Variants in LYRM1 observed in about 807,000 individuals in gnomAD.
LYRM1 encodes the protein LYR motif containing 1, also known as LYR motif-containing protein 1.
In LYRM1, 14 loss-of-function variants were observed where a neutral mutation model predicts 14.9. The observed-to-expected ratio is 0.94, with a 90% CI of 0.62 to 1.47. The LOEUF is 1.47. LYRM1 is among the 40% of genes most tolerant of loss of function. LYRM1 has a pLI of 0.00. For synonymous variants in LYRM1, 43 were observed against 56.2 expected, an observed-to-expected ratio of 0.77 and a Z score of 1.05; for missense variants, 153 against 149.9, an observed-to-expected ratio of 1.02 and a Z score of -0.11.
Position 20,923,980 on chromosome 16 carries a change from A to G in LYRM1, c.253-20A>G, listed in dbSNP as rs1484192957. 1 of 1,321,342 alleles carries G rather than the reference A, an allele frequency of 7.6e-7. No individual in the cohort carries two copies. Among genetic ancestry groups the G allele is most frequent in the Non-Finnish European group, 1.1e-6 (1 of 924,174 alleles). 81.9% of individuals were successfully genotyped at this position (1,321,342 alleles called of 1,614,324 possible). A position where few individuals can be genotyped will look rare whatever the true frequency, so the allele number is the denominator to read the frequency against. On this transcript the variant is annotated intron_variant, in intron 3 of 3. Transcript: ENST00000567954. ...GCAATGATGATGAATATGATTCTTC[A>G]TATTATTGTTCTTATTCAGATTCAT...
intron 1 of LYRM1, among the ~76,000 whole-genome samples, chr16:20,913,906 T>A (rs2082729407): frequency 6.6e-6 from 1 of 152,084 alleles, no homozygotes; most frequent in Non-Finnish European, 1.5e-5. Flanking sequence ...CCTCCCGGGT[T>A]CATACCATTC....
rs1037242716 is a variant in LYRM1 at position 20,915,563 on chromosome 16, C to T, written c.8C>T (p.Thr3Met). 27 of 1,613,312 alleles carry T rather than the reference C, an allele frequency of 1.7e-5. No individual in the cohort carries two copies. In the African/African-American group the frequency reaches 1.9e-4, roughly 11 times the overall value. The change falls in exon 2 of 4, where the codon ACG becomes ATG. Residue 3 changes from threonine to methionine, a missense_variant. Physicochemically the swap from Thr to Met is moderately conservative, Grantham distance 81. Transcript: ENST00000567954. The stretch of plus-strand genomic sequence containing the variant: ...ATTTTGGTGGGTCTGAAGATGACAA[C>T]GGCAACACGACAAGAAGTCCTTGGC... The part of the protein sequence containing the change: MT[T>M]ATRQEVLGLY...
chr16:20,916,328 G>C (rs1015168263), intron 2 of LYRM1, among the ~76,000 whole-genome samples: 1 of 152,112 alleles, frequency 6.6e-6, no homozygotes, highest in Non-Finnish European at 1.5e-5. Context: ...AAACCCTAAA[G>C]CGTTAGCTGT....
At chr16:20,913,097 AATT>A (rs910020416) in intron 1 of LYRM1, among the ~76,000 whole-genome samples, 54 of 140,202 alleles carry the variant, frequency 3.9e-4, no homozygotes, top group African/African-American at 1.4e-3. Flanking sequence ...TAATAATAAT[AATT>A]AAATAAATAA....
upstream of LYRM1, chr16:20,900,044 C>T (rs1309515164): frequency 6.6e-6 from 1 of 152,170 alleles, no homozygotes; most frequent in African/African-American, 2.4e-5. Flanking sequence ...GCCACAGGCT[C>T]CCCTCACAGC....
At chr16:20,904,025 C>A (rs1271066059) in intron 1 of LYRM1, among the ~76,000 whole-genome samples, 1 of 151,860 alleles carries the variant, frequency 6.6e-6, no homozygotes, top group Non-Finnish European at 1.5e-5. Flanking sequence ...TCAATTCCAG[C>A]CCCCCCACCA....
intron 1 of LYRM1, among the ~76,000 whole-genome samples, chr16:20,906,147 G>T (rs2082308490): frequency 6.6e-6 from 1 of 152,182 alleles, no homozygotes; most frequent in African/African-American, 2.4e-5. Context: ...GCAAAATTAT[G>T]ATAGAGTAGG....
chr16:20,917,601 T>C (rs1234982633), intron 2 of LYRM1, among the ~76,000 whole-genome samples: 1 of 151,850 alleles, frequency 6.6e-6, no homozygotes, highest in Non-Finnish European at 1.5e-5. Flanking sequence ...CTACTAAAAA[T>C]ACAAAAATTA....
intron 1 of LYRM1, among the ~76,000 whole-genome samples, chr16:20,908,988 C>T (rs922200647): frequency 2.6e-5 from 4 of 152,238 alleles, no homozygotes; most frequent in Admixed American, 6.5e-5. Context: ...TTAAAGGAAG[C>T]TGTATATCAC....
chr16:20,913,092 ATAATAAT>A (rs984228505), intron 1 of LYRM1, among the ~76,000 whole-genome samples: 34 of 149,914 alleles, frequency 2.3e-4, no homozygotes, highest in Non-Finnish European at 3.8e-4. Context: ...AATAATAATA[ATAATAAT>A]TAAATAAATA....
chr16:20,923,634 C>G (rs190728854), intron 3 of LYRM1, among the ~76,000 whole-genome samples: 12 of 152,248 alleles, frequency 7.9e-5, no homozygotes, highest in Non-Finnish European at 1.5e-4. Flanking sequence ...ACACTTTTCT[C>G]CCCTTCTTTG....
At chr16:20,904,404 C>T (rs1355166846) in intron 1 of LYRM1, among the ~76,000 whole-genome samples, 1 of 152,060 alleles carries the variant, frequency 6.6e-6, no homozygotes, top group Non-Finnish European at 1.5e-5. Context: ...GCCCCGTGTT[C>T]TAAAAACTTC....
chr16:20,906,717 T>A (rs1264191151), intron 1 of LYRM1, among the ~76,000 whole-genome samples: 1 of 152,200 alleles, frequency 6.6e-6, no homozygotes. Context: ...ATCTCTGCTC[T>A]TAAATTCCTA....
intron 1 of LYRM1, among the ~76,000 whole-genome samples, chr16:20,914,786 G>A (rs1371826385): frequency 6.6e-6 from 1 of 152,104 alleles, no homozygotes; most frequent in Non-Finnish European, 1.5e-5. Context: ...TCCTGTCCAG[G>A]TGGCCACTGT....
intron 3 of LYRM1, chr16:20,921,492 C>T (rs1596808807): frequency 6.6e-6 from 1 of 152,116 alleles, no homozygotes; most frequent in East Asian, 1.9e-4. Context: ...CTCTGCCTTC[C>T]CAGTTCAAGT....
At chr16:20,912,868 A>G (rs966990795) in intron 1 of LYRM1, among the ~76,000 whole-genome samples, 3 of 151,730 alleles carry the variant, frequency 2.0e-5, no homozygotes, top group African/African-American at 7.3e-5. Flanking sequence ...GGAGCTCGAG[A>G]CCAGCCTGAC....
intron 1 of LYRM1, among the ~76,000 whole-genome samples, chr16:20,914,560 C>T (rs2082776940): frequency 6.6e-6 from 1 of 151,988 alleles, no homozygotes; most frequent in African/African-American, 2.4e-5. Context: ...CCTCAGCCTC[C>T]CAGAGTGCTA....
At chr16:20,904,811 G>A (rs971925688) in intron 1 of LYRM1, among the ~76,000 whole-genome samples, 1 of 151,736 alleles carries the variant, frequency 6.6e-6, no homozygotes, top group Non-Finnish European at 1.5e-5. Flanking sequence ...GAATATGGGT[G>A]TACACCAAAA....
rs539196254 is a variant in LYRM1, at chr16:20,909,733, A to C, written c.1-5823A>C. Among the ~76,000 whole-genome samples, 26 of 152,364 alleles carry C rather than the reference A, an allele frequency of 1.7e-4. 1 individual carries two copies. The South Asian group carries it at 5.2e-3, about 30-fold the overall frequency. On this transcript the variant is annotated intron_variant, in intron 1 of 3. Coordinates refer to ENST00000567954, the MANE Select transcript of LYRM1 (RefSeq NM_001128302.3). ...CAAAGACAAAAATATAAAAAGGAAAAGAGCTTTTTAAACTTTTTAAAAAAT... is the reference window on the plus strand; with the variant it reads ...CAAAGACAAAAATATAAAAAGGAAACGAGCTTTTTAAACTTTTTAAAAAAT...
Sources: allele counts gnomAD v4.1 joint callset (sites outside exome capture counted in the v4.1 genomes callset), GRCh38; gene constraint gnomAD v4.1.1; transcripts MANE v1.5; gene names NCBI Gene and HGNC (gene_info 2026-07-23, HGNC 2026-07-21).